The following RAP1GAP2 variants were observed in gnomAD, a reference collection of about 807,000 sequenced individuals.
RAP1GAP2 encodes the protein RAP1 GTPase activating protein 2, also known as rap1 GTPase-activating protein 2.
Under a neutral mutation model 95.0 loss-of-function variants are expected in RAP1GAP2, and 27 were observed. The observed-to-expected ratio is 0.28, with a 90% confidence interval of 0.21 to 0.39. The LOEUF (loss-of-function observed/expected upper bound fraction) is 0.39. Ranked by LOEUF, RAP1GAP2 falls within the 10% of genes least tolerant of loss-of-function variation. The pLI is 1.00. For missense variants in RAP1GAP2, 771 were observed against 970.0 expected, an observed-to-expected ratio of 0.79 and a Z score of 2.72; for synonymous variants, 373 against 380.9, an observed-to-expected ratio of 0.98 and a Z score of 0.24.
intron 2 of RAP1GAP2, among the ~76,000 whole-genome samples, chr17:2,832,291 G>A (rs892525696): frequency 6.6e-6 from 1 of 151,788 alleles, no homozygotes; most frequent in Middle Eastern, 3.4e-3. Context: ...GGGCGCGGTG[G>A]CTCATGCCTG....
rs567855109 is a variant in RAP1GAP2 at position 3,027,959 on chromosome 17, G to A, written c.2107+889G>A. On this transcript the variant is annotated intron_variant, in intron 22 of 24. Coordinates refer to ENST00000254695, the MANE Select transcript of RAP1GAP2 (RefSeq NM_015085.5). This position sits in a 1 kb window ranked among gnomAD's most constrained non-coding sequence, Gnocchi z 5.2. ...TCAGAATAGGGGGGCCAGCACCTGA[G>A]GGCCGTTCAGGTAGACCTGTGCGGT... is the stretch of plus-strand genomic sequence containing the variant. Among the ~76,000 whole-genome samples, 1 of 152,222 alleles carries A rather than the reference G, an allele frequency of 6.6e-6. No homozygotes were observed. The highest frequency in any genetic ancestry group is 2.4e-5 in the African/African-American group (1 of 41,558).
intron 1 of RAP1GAP2, among the ~76,000 whole-genome samples, chr17:2,765,750 A>T (rs1299198774): frequency 6.6e-6 from 1 of 151,558 alleles, no homozygotes; most frequent in East Asian, 1.9e-4. Context: ...CTCAAAAAAA[A>T]AAAAGAGTTT....
At chr17:2,806,589 G>A (rs2069531482) in intron 2 of RAP1GAP2, among the ~76,000 whole-genome samples, 1 of 151,070 alleles carries the variant, frequency 6.6e-6, no homozygotes, top group South Asian at 2.1e-4. Flanking sequence ...TAGAGGCGGG[G>A]TTTCGCTGTG....
rs184563740 is a variant in RAP1GAP2 at position 2,817,431 on chromosome 17, C to T, written c.80+16881C>T. ...CTGTTGCGAATAATGCCACAGTGAA[C>T]GTAGGTGTATAAATATCTGGGTCTC... is the stretch of plus-strand genomic sequence containing the variant. On this transcript the variant is annotated intron_variant, in intron 2 of 24. Coordinates refer to ENST00000254695, the MANE Select transcript of RAP1GAP2 (RefSeq NM_015085.5). Among the ~76,000 whole-genome samples, 19 of 121,672 alleles carry T rather than the reference C, an allele frequency of 1.6e-4. 3 individuals carry two copies. In the East Asian group the frequency reaches 1.8e-3, roughly 12 times the overall value. 79.8% of individuals were successfully genotyped at this position (121,672 alleles called of 152,430 possible).
intron 2 of RAP1GAP2, among the ~76,000 whole-genome samples, chr17:2,836,155 C>T (rs1409176242): frequency 1.3e-5 from 2 of 152,072 alleles, no homozygotes; most frequent in Non-Finnish European, 2.9e-5. Context: ...TGGTCGTCCC[C>T]CTTGCCTGAA....
intron 3 of RAP1GAP2, among the ~76,000 whole-genome samples, chr17:2,910,027 A>C (rs1452702656): frequency 6.6e-6 from 1 of 152,178 alleles, no homozygotes; most frequent in African/African-American, 2.4e-5. Context: ...GAGGGATTTA[A>C]AACCACAATC....
chr17:2,960,266 T>G (rs60355228), intron 4 of RAP1GAP2, among the ~76,000 whole-genome samples: 19,289 of 151,932 alleles, frequency 0.13, 1,304 homozygotes, highest in South Asian at 0.19. Flanking sequence ...GGGAGGAAGT[T>G]TGCTCTCCTG....
At chr17:2,803,709 T>C (rs2069396059) in intron 2 of RAP1GAP2, among the ~76,000 whole-genome samples, 1 of 152,086 alleles carries the variant, frequency 6.6e-6, no homozygotes, top group Non-Finnish European at 1.5e-5. Flanking sequence ...TAAAACCCCG[T>C]CTCTACTGAA....
At chr17:2,886,189 T>TGAGCCGGAG (rs2073498739) in intron 2 of RAP1GAP2, among the ~76,000 whole-genome samples, 4 of 126,814 alleles carry the variant, frequency 3.2e-5, no homozygotes, top group African/African-American at 6.1e-5. Flanking sequence ...TTTTTTTTTT[T>TGAGCCGGAG]TGAGCCGGAG....
rs965825667 is a variant in RAP1GAP2 at position 3,037,427 on chromosome 17, C to A, written c.*4066C>A. 2 of 134,868 alleles carry A rather than the reference C, an allele frequency of 1.5e-5. No homozygotes were observed. Among genetic ancestry groups the A allele is most frequent in the African/African-American group, 5.3e-5 (2 of 37,700 alleles). The allele number at this position is 134,868 out of a possible 1,614,324, so 8.4% of individuals were successfully genotyped here. On this transcript the variant is annotated 3_prime_UTR_variant, in exon 25 of 25. Transcript: ENST00000254695. ...CAGCTCTCTCCTGTTTTGGGTGTTC[C>A]CCTTGGACACTCCAGCTCGGGGACT...
At chr17:2,905,931 G>A (rs114187937) in intron 3 of RAP1GAP2, among the ~76,000 whole-genome samples, 1,918 of 152,324 alleles carry the variant, frequency 0.013, 47 homozygotes, top group African/African-American at 0.043. Flanking sequence ...TCCTGGACGG[G>A]AGCCGAGGGA....
chr17:2,963,715 G>A lies in RAP1GAP2; in HGVS notation c.280-141G>A, dbSNP rs2044450845. On this transcript the variant is annotated intron_variant, in intron 6 of 24. Transcript: ENST00000254695. The surrounding 1 kb of genome is among the most constrained non-coding windows in gnomAD (Gnocchi z 4.8). ...GAGGTGTTGTGGGGCTTGGAGGAGG[G>A]GTTCATGTCACTGCCTTTGGCCTCA... 9.5e-6 allele frequency: 8 copies of A among 839,884 alleles called. No individual in the cohort carries two copies. The South Asian group carries it at 1.4e-4, about 15-fold the overall frequency. 52.0% of individuals were successfully genotyped at this position (839,884 alleles called of 1,614,324 possible). A position where few individuals can be genotyped will look rare whatever the true frequency, so the allele number is the denominator to read the frequency against.
intron 3 of RAP1GAP2, among the ~76,000 whole-genome samples, chr17:2,913,401 C>G (rs1433174150): frequency 1.3e-5 from 2 of 152,018 alleles, no homozygotes; most frequent in African/African-American, 4.8e-5. Context: ...CGATTCTCCT[C>G]CCTCAGCCTC....
chr17:2,767,898 A>C (rs1029785258), intron 1 of RAP1GAP2, among the ~76,000 whole-genome samples: 6 of 151,832 alleles, frequency 4.0e-5, no homozygotes, highest in African/African-American at 1.5e-4. Flanking sequence ...ACGCCCAGCT[A>C]ATTTCTTTTG....
chr17:2,808,868 C>T (rs887122539), intron 2 of RAP1GAP2, among the ~76,000 whole-genome samples: 21 of 152,162 alleles, frequency 1.4e-4, no homozygotes, highest in African/African-American at 3.9e-4. Flanking sequence ...TGGACGTGAG[C>T]GCTGAGGGCC....
chr17:2,793,909 T>C (rs1170746361), upstream of RAP1GAP2, among the ~76,000 whole-genome samples: 3 of 151,900 alleles, frequency 2.0e-5, no homozygotes, highest in East Asian at 3.9e-4. Context: ...GAGACTAGCC[T>C]GGCCAACATG....
chr17:2,948,109 G>A (rs969695129), intron 3 of RAP1GAP2, among the ~76,000 whole-genome samples: 1 of 152,220 alleles, frequency 6.6e-6, no homozygotes. Context: ...TGTGTGCCAG[G>A]CTCTGTACAC....
intron 1 of RAP1GAP2, among the ~76,000 whole-genome samples, chr17:2,781,817 T>A (rs1253486391): frequency 6.6e-6 from 1 of 151,336 alleles, no homozygotes; most frequent in Non-Finnish European, 1.5e-5. Context: ...TGCACGTCTC[T>A]GTGTGTGCAG....
intron 2 of RAP1GAP2, among the ~76,000 whole-genome samples, chr17:2,868,052 G>T (rs1252633981): frequency 6.6e-6 from 1 of 152,190 alleles, no homozygotes; most frequent in Non-Finnish European, 1.5e-5. Context: ...GGACAGCCTG[G>T]CTTTGCTCGG....
Sources: gnomAD v4.1 joint callset for allele counts (sites outside exome capture counted in the v4.1 genomes callset) on GRCh38, gnomAD v4.1.1 for gene constraint, Gnocchi (gnomAD v3.1) non-coding constraint, MANE v1.5 for transcripts, NCBI Gene and HGNC (gene_info 2026-07-23, HGNC 2026-07-21) for gene names.